AGXT2: variants seen among roughly 807,000 people sequenced by gnomAD.
AGXT2 encodes the protein alanine--glyoxylate aminotransferase 2, mitochondrial.
A neutral mutation model predicts 62.5 loss-of-function variants in AGXT2; 61 were observed. The observed-to-expected ratio is 0.98, with a 90% CI of 0.79 to 1.21. The LOEUF (loss-of-function observed/expected upper bound fraction) is 1.21, where lower values mean the gene tolerates loss of function less well. Ranked by LOEUF, AGXT2 falls within the 50% of genes most tolerant of loss-of-function variation. The pLI is 0.00. For missense variants in AGXT2, 666 were observed against 641.5 expected (o/e 1.04, Z -0.41); for synonymous variants, 243 against 218.7 (o/e 1.11, Z -0.98).
intron 10 of AGXT2, among the ~76,000 whole-genome samples, chr5:35,013,559 A>C (rs1766724908): frequency 6.6e-6 from 1 of 152,148 alleles, no homozygotes; most frequent in South Asian, 2.1e-4. Flanking sequence ...GCCAAGGTCA[A>C]ACACCTGAGG....
In AGXT2 at chr5:35,047,816, G is replaced by T. The variant is rs147295677; in HGVS notation, c.77C>A (p.Pro26His). ...TSAPRILEMH[P>H]FLSLGTSRTS... ...TGGTTTCCACTTACGGCTCAGGAAA[G>T]GATGCATCTCAAGGATCCTGGGAGC... is the stretch of plus-strand genomic sequence containing the variant. Residue 26 changes from proline (P) to histidine (H), a missense_variant, in exon 1 of 14, where the codon CCT (proline) becomes CAT (histidine). Transcript: ENST00000231420. 1 of 1,613,924 alleles carries T rather than the reference G, an allele frequency of 6.2e-7. No homozygotes were observed. Among genetic ancestry groups the T allele is most frequent in the African/African-American group, 1.3e-5 (1 of 74,916 alleles).
Position 35,040,679 on chromosome 5 carries a change from G to A in AGXT2, c.89-16C>T. ...GAAGTACCTACTGAAAGTGAAGTGA[G>A]TTAGAATCCTCAACTAAGCATGACA... On this transcript the variant is annotated splice_polypyrimidine_tract_variant and intron_variant, in intron 1 of 13. Coordinates refer to ENST00000231420, the MANE Select transcript of AGXT2 (RefSeq NM_031900.4). 1 of 1,598,288 alleles carries A rather than the reference G, an allele frequency of 6.3e-7. No homozygotes were observed. The highest frequency in any genetic ancestry group is 1.1e-5 in the South Asian group (1 of 90,776).
intron 1 of AGXT2, among the ~76,000 whole-genome samples, chr5:35,046,023 TCACA>T (rs932417630): frequency 6.6e-6 from 1 of 152,126 alleles, no homozygotes; most frequent in African/African-American, 2.4e-5. Flanking sequence ...CGCCTCAGCC[TCACA>T]AAGTGCTGGG....
chr5:35,032,179 C>T (rs1372032298), intron 7 of AGXT2, among the ~76,000 whole-genome samples: 5 of 151,690 alleles, frequency 3.3e-5, no homozygotes, highest in Non-Finnish European at 5.9e-5. Context: ...CTCAAACTCC[C>T]GACCTCAGGT....
chr5:35,046,783 C>T (rs946133695), intron 1 of AGXT2, among the ~76,000 whole-genome samples: 1 of 152,130 alleles, frequency 6.6e-6, no homozygotes, highest in Non-Finnish European at 1.5e-5. Context: ...AAATGGTCCC[C>T]TGTACCTGTT....
At chr5:35,041,886 A>G (rs952141830) in intron 1 of AGXT2, among the ~76,000 whole-genome samples, 2 of 152,216 alleles carry the variant, frequency 1.3e-5, no homozygotes, top group African/African-American at 4.8e-5. Flanking sequence ...TAATGTCATT[A>G]ATTTGCTTTT....
intron 13 of AGXT2, among the ~76,000 whole-genome samples, chr5:35,000,905 A>G (rs1766206995): frequency 6.6e-6 from 1 of 152,234 alleles, no homozygotes; most frequent in African/African-American, 2.4e-5. Flanking sequence ...GATACACATT[A>G]GTAGAAATTG....
chr5:35,025,862 AAGACC>A lies in AGXT2; in HGVS notation c.871-12_871-8del. On this transcript the variant is annotated splice_region_variant and splice_polypyrimidine_tract_variant and intron_variant, in intron 8 of 13. Coordinates refer to ENST00000231420, the MANE Select transcript of AGXT2 (RefSeq NM_031900.4). Reference sequence around the variant, plus strand: ...GGACAACTCCATTCACACCCTGCAAAAGACCAGACCAAGAAGACCTATAATAATAG... The same window carrying A: ...GGACAACTCCATTCACACCCTGCAAAAGACCAAGAAGACCTATAATAATAG... The A allele has an allele frequency of 6.2e-7, 1 of 1,613,762 alleles. No individual in the cohort carries two copies. The highest frequency in any genetic ancestry group is 1.1e-5 in the South Asian group (1 of 91,074).
intron 2 of AGXT2, 59 bp from the exon 3 acceptor site, chr5:35,039,567 T>C: frequency 6.4e-7 from 1 of 1,567,530 alleles, no homozygotes; most frequent in Non-Finnish European, 8.8e-7. Flanking sequence ...GCAGTCAATC[T>C]ATGAGTAACA....
At chr5:35,040,037 G>C (rs1767925490) in intron 2 of AGXT2, among the ~76,000 whole-genome samples, 1 of 152,094 alleles carries the variant, frequency 6.6e-6, no homozygotes. Flanking sequence ...TGCCGTGTGT[G>C]TGTGCATGCA....
chr5:35,038,207 C>T (rs1039967737), intron 3 of AGXT2, among the ~76,000 whole-genome samples: 3 of 152,164 alleles, frequency 2.0e-5, no homozygotes, highest in Non-Finnish European at 4.4e-5. Flanking sequence ...TTCCATGAAA[C>T]TCACTTTAGA....
chr5:35,041,332 G>T (rs1295729786), intron 1 of AGXT2, among the ~76,000 whole-genome samples: 1 of 150,492 alleles, frequency 6.6e-6, no homozygotes, highest in African/African-American at 2.4e-5. Context: ...ACATTTGTGT[G>T]TGTGTGTGTG....
At chr5:35,047,573 G>T (rs548459310) in intron 1 of AGXT2, among the ~76,000 whole-genome samples, 1 of 152,100 alleles carries the variant, frequency 6.6e-6, no homozygotes, top group African/African-American at 2.4e-5. Flanking sequence ...GTGTATAGTC[G>T]GGTTTCATTA....
intron 7 of AGXT2, among the ~76,000 whole-genome samples, chr5:35,027,244 G>A (rs925502753): frequency 1.4e-4 from 21 of 152,184 alleles, no homozygotes; most frequent in Non-Finnish European, 2.5e-4. Context: ...ACAAATAGTA[G>A]AAATCATGGC....
At chr5:35,002,780 G>GGT (rs1554032859) in intron 13 of AGXT2, among the ~76,000 whole-genome samples, 1 of 151,808 alleles carries the variant, frequency 6.6e-6, no homozygotes, top group East Asian at 1.9e-4. Flanking sequence ...GCAGGCTGGG[G>GGT]GGGGGGACTA....
chr5:35,029,351 A>G (rs1467149956), intron 7 of AGXT2, among the ~76,000 whole-genome samples: 1 of 152,232 alleles, frequency 6.6e-6, no homozygotes, highest in Non-Finnish European at 1.5e-5. Context: ...GTGGAGCTTA[A>G]ATTTGGGCAG....
chr5:35,045,810 C>T (rs1172839205), intron 1 of AGXT2, among the ~76,000 whole-genome samples: 2 of 146,748 alleles, frequency 1.4e-5, no homozygotes, highest in Non-Finnish European at 3.0e-5. Flanking sequence ...CTCTGTCGCC[C>T]AGGCTGGAGT....
Position 34,998,632 on chromosome 5 carries a change from A to G in AGXT2, c.*87T>C. On this transcript the variant is annotated 3_prime_UTR_variant, in exon 14 of 14. Coordinates refer to ENST00000231420, the MANE Select transcript of AGXT2 (RefSeq NM_031900.4). ...GGAGAGCTGCAGGCTTTCTCTGGAT[A>G]CCAGTGGTTCTGAAATTCTTCAAAT... 1.9e-6 allele frequency: 2 copies of G among 1,054,088 alleles called. No individual in the cohort carries two copies. Among genetic ancestry groups the G allele is most frequent in the Non-Finnish European group, 2.9e-6 (2 of 691,376 alleles). 65.3% of individuals were successfully genotyped at this position (1,054,088 alleles called of 1,614,324 possible).
intron 1 of AGXT2, among the ~76,000 whole-genome samples, chr5:35,046,188 C>A (rs375005947): frequency 6.6e-6 from 1 of 152,136 alleles, no homozygotes; most frequent in African/African-American, 2.4e-5. Flanking sequence ...TCTAGGTTAC[C>A]TGCTGCTCCA....
Sources: allele counts gnomAD v4.1 joint callset (sites outside exome capture counted in the v4.1 genomes callset), GRCh38; gene constraint gnomAD v4.1.1; transcripts MANE v1.5; gene names NCBI Gene and HGNC (gene_info 2026-07-23, HGNC 2026-07-21).